Variants in PDE4D observed in about 807,000 individuals in gnomAD.
The protein encoded by PDE4D is 3',5'-cyclic-AMP phosphodiesterase 4D.
A neutral mutation model predicts 87.4 loss-of-function variants in PDE4D; 24 were observed. The ratio of observed to expected loss-of-function variants is 0.27; its 90% CI spans 0.20 to 0.39. The LOEUF (loss-of-function observed/expected upper bound fraction) is 0.39. Ranked by LOEUF, PDE4D falls within the 10% of genes least tolerant of loss-of-function variation. The pLI, the probability that PDE4D is intolerant of heterozygous loss-of-function variation, is 1.00. For missense variants in PDE4D, 714 were observed against 1,041.0 expected (o/e 0.69, Z 4.32); for synonymous variants, 384 against 383.2 (o/e 1.00, Z -0.02).
intron 1 of PDE4D, among the ~76,000 whole-genome samples, chr5:59,402,975 A>G (rs35643183): frequency 0.17 from 26,204 of 152,046 alleles, 3,057 homozygotes; most frequent in African/African-American, 0.32. Flanking sequence ...AAACCAAATG[A>G]TGTGCCATAA....
intron 1 of PDE4D, among the ~76,000 whole-genome samples, chr5:59,524,574 A>G (rs1430075258): frequency 6.6e-6 from 1 of 152,220 alleles, no homozygotes; most frequent in African/African-American, 2.4e-5. Flanking sequence ...CTGGGGGAAA[A>G]TTCCAGCCAG....
chr5:59,425,299 A>T (rs937812314), intron 1 of PDE4D, among the ~76,000 whole-genome samples: 1 of 152,172 alleles, frequency 6.6e-6, no homozygotes, highest in African/African-American at 2.4e-5. Context: ...AAAAGCTCTG[A>T]AGTTCTCCCT....
At chr5:59,255,925 T>C (rs1353770552) in intron 1 of PDE4D, among the ~76,000 whole-genome samples, 1 of 152,154 alleles carries the variant, frequency 6.6e-6, no homozygotes, top group African/African-American at 2.4e-5. Context: ...TGTCTTATAG[T>C]TGTGCATCAG....
At chr5:59,619,499 A>G (rs1371759064) in intron 1 of PDE4D, among the ~76,000 whole-genome samples, 1 of 152,204 alleles carries the variant, frequency 6.6e-6, no homozygotes, top group Non-Finnish European at 1.5e-5. Flanking sequence ...GATTCAGATG[A>G]TCGAGCATAG....
At chr5:59,357,148 T>C (rs968654011) in intron 1 of PDE4D, among the ~76,000 whole-genome samples, 2 of 152,092 alleles carry the variant, frequency 1.3e-5, no homozygotes, top group Non-Finnish European at 2.9e-5. Flanking sequence ...AATATAGCCC[T>C]GATTAAACAG....
chr5:60,340,801 A>G (rs966836113), intron 1 of PDE4D, among the ~76,000 whole-genome samples: 1 of 152,164 alleles, frequency 6.6e-6, no homozygotes, highest in African/African-American at 2.4e-5. Context: ...AATAATAATA[A>G]TATGGATTTT....
chr5:60,028,177 C>T (rs1228068247), intron 2 of PDE4D, among the ~76,000 whole-genome samples: 1 of 152,214 alleles, frequency 6.6e-6, no homozygotes, highest in African/African-American at 2.4e-5. Context: ...TCACTTATCA[C>T]TGTCAGGCTG....
chr5:60,496,328 G>T (rs908784448), intron 1 of PDE4D, among the ~76,000 whole-genome samples: 8 of 152,154 alleles, frequency 5.3e-5, no homozygotes, highest in Admixed American at 3.9e-4. Context: ...GCCTAAGGAT[G>T]ACAAGAATGA....
At chr5:59,449,432 C>T (rs935431791) in intron 1 of PDE4D, among the ~76,000 whole-genome samples, 1 of 152,168 alleles carries the variant, frequency 6.6e-6, no homozygotes, top group Non-Finnish European at 1.5e-5. Flanking sequence ...CGTTATAAAA[C>T]TTTAAAAATG....
chr5:59,364,799 T>A (rs887280891), intron 1 of PDE4D, among the ~76,000 whole-genome samples: 3 of 152,062 alleles, frequency 2.0e-5, no homozygotes, highest in African/African-American at 7.2e-5. Context: ...CCAACCAGCC[T>A]CCCTTCCTTT....
chr5:59,949,088 G>T (rs1757999536), intron 3 of PDE4D, among the ~76,000 whole-genome samples: 1 of 152,138 alleles, frequency 6.6e-6, no homozygotes, highest in African/African-American at 2.4e-5. Flanking sequence ...TGATGTATAT[G>T]TGTGCATGTG....
chr5:59,836,985 C>A (rs1033533482), intron 1 of PDE4D, among the ~76,000 whole-genome samples: 1 of 151,884 alleles, frequency 6.6e-6, no homozygotes, highest in African/African-American at 2.4e-5. Flanking sequence ...TCTATCATAA[C>A]GTCGAGGCAT....
rs187554788 is a variant in PDE4D, at chr5:59,544,142, C to T, written c.456-328174G>A. ...GCAGGAGGGGAGGTGTGGAAATAGA[C>T]TGTCATCATTCTGCAGCAAGGAAAA... On this transcript the variant is annotated intron_variant, in intron 1 of 14. Coordinates refer to ENST00000340635, the MANE Select transcript of PDE4D (RefSeq NM_001104631.2). 5.9e-5 allele frequency among the ~76,000 whole-genome samples: 9 copies of T among 152,260 alleles called. No individual in the cohort carries two copies. In the East Asian group the frequency reaches 1.7e-3, roughly 29 times the overall value.
intron 1 of PDE4D, among the ~76,000 whole-genome samples, chr5:60,315,141 G>A (rs1473255276): frequency 2.6e-5 from 4 of 152,116 alleles, no homozygotes; most frequent in African/African-American, 2.4e-5. Context: ...ATCCTCTCCA[G>A]CACCTGTTGT....
At chr5:59,938,743 C>T (rs1756877354) in intron 3 of PDE4D, among the ~76,000 whole-genome samples, 1 of 152,150 alleles carries the variant, frequency 6.6e-6, no homozygotes, top group South Asian at 2.1e-4. Context: ...TTCAATCTGT[C>T]CAAATTTCAT....
intron 1 of PDE4D, among the ~76,000 whole-genome samples, chr5:59,562,203 C>A (rs1820142620): frequency 6.6e-6 from 1 of 152,012 alleles, no homozygotes; most frequent in African/African-American, 2.4e-5. Flanking sequence ...TGAGAGAATT[C>A]ATTGATTAGC....
chr5:59,078,266 A>G (rs535044182), intron 5 of PDE4D, among the ~76,000 whole-genome samples: 4 of 152,360 alleles, frequency 2.6e-5, no homozygotes, highest in African/African-American at 9.6e-5. Flanking sequence ...AAACTGGTAT[A>G]GATTTATACG....
rs906184181 is a variant in PDE4D at position 59,695,094 on chromosome 5, C to A, written c.455+198074G>T. Among the ~76,000 whole-genome samples the A allele has an allele frequency of 6.6e-5, 10 of 152,076 alleles. No individual in the cohort carries two copies. In the South Asian group the frequency reaches 2.1e-3, roughly 32 times the overall value. ...CTTTGAAATCTCCATGGTCTCTAAC[C>A]TTTTAGGATCTTTTCTTTCAAAATT... On this transcript the variant is annotated intron_variant, in intron 1 of 14. Coordinates refer to ENST00000340635, the MANE Select transcript of PDE4D (RefSeq NM_001104631.2).
chr5:59,828,135 TA>T (rs1036337863), intron 1 of PDE4D, among the ~76,000 whole-genome samples: 16 of 150,994 alleles, frequency 1.1e-4, no homozygotes, highest in Middle Eastern at 3.4e-3. Flanking sequence ...GAGGCCAAGT[TA>T]AAAAAAAATC....
Sources: allele counts gnomAD v4.1 joint callset (sites outside exome capture counted in the v4.1 genomes callset), GRCh38; gene constraint gnomAD v4.1.1; transcripts MANE v1.5; gene names NCBI Gene and HGNC (gene_info 2026-07-23, HGNC 2026-07-21).